Variants in EIF3I observed in about 807,000 individuals in gnomAD.
EIF3I encodes the protein eukaryotic translation initiation factor 3 subunit I.
A neutral mutation model predicts 43.3 loss-of-function variants in EIF3I; 20 were observed. The ratio of observed to expected loss-of-function variants is 0.46; its 90% CI spans 0.32 to 0.67. The LOEUF (loss-of-function observed/expected upper bound fraction) is 0.67. EIF3I is among the 30% of genes least tolerant of loss of function. The pLI is 0.03. For missense variants in EIF3I, 279 were observed against 421.4 expected (o/e 0.66, Z 2.96); for synonymous variants, 167 against 151.7 (o/e 1.10, Z -0.74).
chr1:32,229,336 C>T (rs1639196856), intron 9 of EIF3I, 128 bp downstream of exon 9: 1 of 906,022 alleles, frequency 1.1e-6, no homozygotes, highest in South Asian at 1.8e-5. Flanking sequence ...TCTCTGCTCA[C>T]TGCAAGCTCT....
intron 2 of EIF3I, 73 bp from the exon 3 acceptor site, chr1:32,223,961 G>C (rs1639090707): frequency 2.9e-6 from 4 of 1,381,206 alleles, no homozygotes; most frequent in Non-Finnish European, 4.1e-6. Context: ...AGGCTGCTGA[G>C]GGTTCCTGGG....
At chr1:32,231,130 C>T (rs183648795) in exon 12 of EIF3I, 84 of 1,614,070 alleles carry the variant, frequency 5.2e-5, no homozygotes, top group East Asian at 1.3e-4. Context: ...GCAGCGGCGG[C>T]GAAGATGGTT....
chr1:32,228,217 C>T (rs564859787), intron 6 of EIF3I, among the ~76,000 whole-genome samples: 2 of 152,268 alleles, frequency 1.3e-5, no homozygotes, highest in East Asian at 1.9e-4. Flanking sequence ...TGACTTTCCT[C>T]CAGGCAGTAG....
At chr1:32,231,794 A>C (rs1557557589), downstream of EIF3I, 2 of 152,928 alleles carry the variant, frequency 1.3e-5, no homozygotes, top group African/African-American at 2.4e-5. Context: ...AGGGGCCTGC[A>C]GAGGTTTCAG....
downstream of EIF3I, chr1:32,235,334 G>GTT (rs371167862): frequency 2.1e-4 from 30 of 144,458 alleles, no homozygotes; most frequent in Non-Finnish European, 2.3e-4. Flanking sequence ...CCATGAAATG[G>GTT]TTTTTTTTTT....
chr1:32,229,075 A>G (rs1281059136), intron 8 of EIF3I, 60 bp from the exon 9 acceptor site: 2 of 1,561,842 alleles, frequency 1.3e-6, no homozygotes, highest in African/African-American at 1.4e-5. Flanking sequence ...ATGGCAGCAG[A>G]AAAACACAAA....
At position 32,231,102 on chromosome 1, in the gene EIF3I, T is replaced by C; in HGVS notation, c.1008-13T>C. On this transcript the variant is annotated splice_polypyrimidine_tract_variant and intron_variant, in intron 11 of 11. Transcript: ENST00000676679. ...AGTAAGCACCTGACTGGTGCCTGGC[T>C]ATCTTTTTCCAGCTACAGCAGCGGC... 1 of 1,613,576 alleles carries C rather than the reference T, an allele frequency of 6.2e-7. No homozygotes were observed.
chr1:32,228,410 C>T (rs531144817), intron 6 of EIF3I, 89 bp from the exon 7 acceptor site: 1 of 1,071,440 alleles, frequency 9.3e-7, no homozygotes, highest in East Asian at 2.4e-5. Context: ...TCCATGCTGT[C>T]TCAGCTTTCA....
chr1:32,229,326 T>G, intron 9 of EIF3I, 118 bp downstream of exon 9: 1 of 1,068,272 alleles, frequency 9.4e-7, no homozygotes, highest in South Asian at 1.6e-5. Flanking sequence ...AGTGGCGTGA[T>G]CTCTGCTCAC....
rs2124266283 is a variant in EIF3I, at chr1:32,228,725, A to G, written c.640-2A>G. ...GATTTCCCCCCTGCCTTCTCTCTCCAGCTTTTTGACTCCACAACTCTTGAA... is the reference window on the plus strand; with the variant it reads ...GATTTCCCCCCTGCCTTCTCTCTCCGGCTTTTTGACTCCACAACTCTTGAA... On this transcript the variant is annotated splice_acceptor_variant, in intron 7 of 11. Coordinates refer to ENST00000676679, the Ensembl canonical transcript of EIF3I. LOFTEE classifies it high-confidence loss of function. The G allele has an allele frequency of 6.2e-7, 1 of 1,613,786 alleles. No individual in the cohort carries two copies. Among genetic ancestry groups the G allele is most frequent in the Non-Finnish European group, 8.5e-7 (1 of 1,179,838 alleles).
intron 10 of EIF3I, 70 bp from the exon 10 acceptor site, chr1:32,230,857 G>A (rs750642662): frequency 1.0e-5 from 11 of 1,083,014 alleles, no homozygotes; most frequent in Non-Finnish European, 1.5e-5. Context: ...ATTTGCATTT[G>A]GGGAGTGCCA....
At chr1:32,229,489 A>C (rs1324652516) in intron 9 of EIF3I, among the ~76,000 whole-genome samples, 1 of 148,810 alleles carries the variant, frequency 6.7e-6, no homozygotes, top group Non-Finnish European at 1.5e-5. Flanking sequence ...ACCTCGTGAT[A>C]CGCCCGCCTC....
intron 6 of EIF3I, among the ~76,000 whole-genome samples, chr1:32,226,928 G>C (rs992353622): frequency 1.3e-5 from 2 of 149,186 alleles, no homozygotes; most frequent in Admixed American, 1.4e-4. Flanking sequence ...CACCTCCTGG[G>C]TTCAAGCCAT....
exon 5 of EIF3I, chr1:32,226,217 C>T (rs764948577): frequency 2.1e-5 from 34 of 1,613,868 alleles, no homozygotes; most frequent in South Asian, 1.8e-4. Flanking sequence ...TCCGGACCTG[C>T]GGTTTTGACT....
chr1:32,231,491 CAAAAA>C (rs372584031), downstream of EIF3I: 4 of 184,196 alleles, frequency 2.2e-5, no homozygotes, highest in Non-Finnish European at 4.3e-5. Flanking sequence ...AACTCCGTCT[CAAAAA>C]AAAAAAAGAA....
intron 4 of EIF3I, 33 bp downstream of exon 4, chr1:32,224,508 A>G (rs748238323): frequency 6.5e-7 from 1 of 1,545,006 alleles, no homozygotes; most frequent in South Asian, 1.1e-5. Flanking sequence ...TTTAGCAAAT[A>G]TTGAGGACCT....
chr1:32,235,468 CT>C (rs1639288325), downstream of EIF3I, among the ~76,000 whole-genome samples: 1 of 152,028 alleles, frequency 6.6e-6, no homozygotes, highest in South Asian at 2.1e-4. Flanking sequence ...GTAGCTGGGA[CT>C]ACAGGCGACC....
At chr1:32,226,611 G>A in intron 6 of EIF3I, 81 bp downstream of exon 6, 1 of 1,348,378 alleles carries the variant, frequency 7.4e-7, no homozygotes, top group African/African-American at 1.5e-5. Flanking sequence ...CTGTTGCCCA[G>A]GCTGGAGTGC....
chr1:32,222,803 A>C (rs904835781), intron 2 of EIF3I, among the ~76,000 whole-genome samples, 173 bp downstream of exon 2: 3 of 152,146 alleles, frequency 2.0e-5, no homozygotes, highest in Non-Finnish European at 4.4e-5. Flanking sequence ...AAAGGTGGGG[A>C]AGAACTCTAT....
Sources: gnomAD v4.1 joint callset for allele counts (sites outside exome capture counted in the v4.1 genomes callset) on GRCh38, gnomAD v4.1.1 for gene constraint, MANE v1.5 for transcripts, NCBI Gene and HGNC (gene_info 2026-07-23, HGNC 2026-07-21) for gene names.